CADM2: variants seen among roughly 807,000 people sequenced by gnomAD.
The protein encoded by CADM2 is immunoglobulin superfamily member 4D.
Under a neutral mutation model 49.8 loss-of-function variants are expected in CADM2, and 12 were observed. The ratio of observed to expected loss-of-function variants is 0.24; its 90% CI spans 0.15 to 0.39. CADM2 has a LOEUF of 0.39. CADM2 is among the 10% of genes least tolerant of loss of function. CADM2 has a pLI of 1.00. For synonymous variants in CADM2, 214 were observed against 175.4 expected, an observed-to-expected ratio of 1.22 and a Z score of -1.74; for missense variants, 378 against 492.3, an observed-to-expected ratio of 0.77 and a Z score of 2.20.
At chr3:85,439,590 A>T (rs1865252) in intron 1 of CADM2, among the ~76,000 whole-genome samples, 1 of 151,886 alleles carries the variant, frequency 6.6e-6, no homozygotes, top group Non-Finnish European at 1.5e-5. Context: ...GCAGTAAGTC[A>T]GTATGTTTTA....
At chr3:85,802,809 C>T (rs192475692) in intron 3 of CADM2, among the ~76,000 whole-genome samples, 318 of 152,110 alleles carry the variant, frequency 2.1e-3, no homozygotes, top group Non-Finnish European at 3.8e-3. Context: ...ATTCATCTTA[C>T]GTAATCCAAG....
intron 1 of CADM2, among the ~76,000 whole-genome samples, chr3:84,982,402 A>C (rs999677017): frequency 6.6e-6 from 1 of 152,012 alleles, no homozygotes; most frequent in Non-Finnish European, 1.5e-5. Context: ...CAGATAGTCT[A>C]TATCAACATA....
rs2063330074 is a variant in CADM2, at chr3:85,599,181, A to G, written c.62-127341A>G. ...CCCACAGTTTATTTTTGGCAATGCA[A>G]CCTATTCATTTTCTTTTACCCTTTG... On this transcript the variant is annotated intron_variant, in intron 1 of 9. Transcript: ENST00000383699. Among the ~76,000 whole-genome samples, 3 of 151,940 alleles carry G rather than the reference A, an allele frequency of 2.0e-5. No homozygotes were observed. The Admixed American group carries it at 2.0e-4, about 10-fold the overall frequency.
At chr3:86,043,745 C>A (rs1402351467) in intron 8 of CADM2, among the ~76,000 whole-genome samples, 1 of 152,006 alleles carries the variant, frequency 6.6e-6, no homozygotes, top group African/African-American at 2.4e-5. Flanking sequence ...AAGAGACCAC[C>A]TTGCCAAGTC....
intron 1 of CADM2, among the ~76,000 whole-genome samples, chr3:85,546,855 G>A (rs1185770092): frequency 4.6e-5 from 7 of 151,936 alleles, no homozygotes; most frequent in African/African-American, 7.2e-5. Context: ...AATATTTTGA[G>A]ACATCTAAGC....
At chr3:85,834,394 C>A (rs1208546863) in intron 3 of CADM2, among the ~76,000 whole-genome samples, 1 of 151,472 alleles carries the variant, frequency 6.6e-6, no homozygotes, top group African/African-American at 2.4e-5. Context: ...AGAAAACAGG[C>A]TATAGTGCAA....
chr3:85,396,994 T>C (rs2034824177), intron 1 of CADM2, among the ~76,000 whole-genome samples: 1 of 152,016 alleles, frequency 6.6e-6, no homozygotes, highest in Non-Finnish European at 1.5e-5. Context: ...AGAGAAAATA[T>C]TTGCACAGCA....
intron 3 of CADM2, among the ~76,000 whole-genome samples, chr3:85,858,021 C>G (rs2075380995): frequency 6.6e-6 from 1 of 152,146 alleles, no homozygotes; most frequent in Non-Finnish European, 1.5e-5. Flanking sequence ...CAGTCCTAAT[C>G]ATTTTACTTA....
chr3:85,485,806 A>T (rs1338461348), intron 1 of CADM2, among the ~76,000 whole-genome samples: 1 of 152,108 alleles, frequency 6.6e-6, no homozygotes, highest in Non-Finnish European at 1.5e-5. Context: ...GGCACATCTA[A>T]TTCTGTGCCC....
At chr3:85,855,497 A>G (rs1463203590) in intron 3 of CADM2, among the ~76,000 whole-genome samples, 1 of 151,028 alleles carries the variant, frequency 6.6e-6, no homozygotes, top group South Asian at 2.1e-4. Context: ...GATTTATTCA[A>G]GACGGTTTTA....
Position 85,738,451 on chromosome 3 carries a change from G to A in CADM2, c.88+11903G>A, listed in dbSNP as rs556602364. ...AGATAGGTTTTCAAACTCTTTACAA[G>A]CCTTTTGGGAAGTGTTAACAAATGC... On this transcript the variant is annotated intron_variant, in intron 2 of 9. Transcript: ENST00000383699. 2.6e-5 allele frequency among the ~76,000 whole-genome samples: 4 copies of A among 152,296 alleles called. No individual in the cohort carries two copies. The South Asian group carries it at 8.3e-4, about 32-fold the overall frequency.
At chr3:85,647,719 A>C (rs541412479) in intron 1 of CADM2, among the ~76,000 whole-genome samples, 1 of 151,802 alleles carries the variant, frequency 6.6e-6, no homozygotes, top group Admixed American at 6.6e-5. Context: ...TTATAAATGT[A>C]TTGATTGCTA....
intron 2 of CADM2, among the ~76,000 whole-genome samples, chr3:85,774,788 G>GTA (rs1188790099): frequency 1.3e-5 from 2 of 151,654 alleles, no homozygotes; most frequent in Non-Finnish European, 3.0e-5. Flanking sequence ...AATTTTGGTA[G>GTA]TTATTGTTAG....
intron 1 of CADM2, among the ~76,000 whole-genome samples, chr3:85,418,503 C>A (rs113568134): frequency 1.3e-5 from 2 of 151,988 alleles, no homozygotes; most frequent in African/African-American, 4.8e-5. Context: ...TTTCTTATGG[C>A]AAATGTTCCA....
chr3:85,025,925 A>G (rs1416405129), intron 1 of CADM2, among the ~76,000 whole-genome samples: 1 of 152,104 alleles, frequency 6.6e-6, no homozygotes, highest in African/African-American at 2.4e-5. Context: ...CATAAACGTG[A>G]AATGCCATGC....
intron 1 of CADM2, among the ~76,000 whole-genome samples, chr3:85,063,327 C>G (rs976139477): frequency 6.6e-6 from 1 of 151,872 alleles, no homozygotes; most frequent in Non-Finnish European, 1.5e-5. Context: ...CAATTTCATT[C>G]TAAATTGGGA....
intron 7 of CADM2, among the ~76,000 whole-genome samples, chr3:85,942,916 T>A (rs1722131675): frequency 6.6e-6 from 1 of 152,126 alleles, no homozygotes; most frequent in Admixed American, 6.6e-5. Flanking sequence ...CCACACCGAC[T>A]TCCACAATGG....
intron 1 of CADM2, among the ~76,000 whole-genome samples, chr3:85,598,712 G>A (rs1351496650): frequency 6.6e-6 from 1 of 151,668 alleles, no homozygotes; most frequent in African/African-American, 2.4e-5. Flanking sequence ...TGATAATATA[G>A]CAGAAAAAAA....
At chr3:85,127,985 C>A (rs985299194) in intron 1 of CADM2, among the ~76,000 whole-genome samples, 3 of 152,082 alleles carry the variant, frequency 2.0e-5, no homozygotes, top group Admixed American at 2.0e-4. Flanking sequence ...AATTTAGTCC[C>A]TCAGTCACAC....
Sources: allele counts gnomAD v4.1 joint callset (sites outside exome capture counted in the v4.1 genomes callset), GRCh38; gene constraint gnomAD v4.1.1; transcripts MANE v1.5; gene names NCBI Gene and HGNC (gene_info 2026-07-23, HGNC 2026-07-21).